The following SLC25A48 variants were observed in gnomAD, a reference collection of about 807,000 sequenced individuals.
The protein encoded by SLC25A48 is solute carrier family 25 member 48.
A neutral mutation model predicts 32.2 loss-of-function variants in SLC25A48; 29 were observed. The observed-to-expected ratio is 0.90, with a 90% confidence interval of 0.67 to 1.23. The LOEUF (loss-of-function observed/expected upper bound fraction) is 1.23. SLC25A48 is among the 50% of genes most tolerant of loss of function. The pLI is 0.00. For missense variants in SLC25A48, 399 were observed against 422.7 expected, an observed-to-expected ratio of 0.94 and a Z score of 0.49; for synonymous variants, 164 against 172.3, an observed-to-expected ratio of 0.95 and a Z score of 0.38.
At chr5:135,757,447 GAT>G (rs1159136599) in intron 3 of SLC25A48, among the ~76,000 whole-genome samples, 1 of 148,324 alleles carries the variant, frequency 6.7e-6, no homozygotes, top group African/African-American at 2.5e-5. Context: ...ATATATTTAT[GAT>G]GTCTAGTGTT....
chr5:135,831,514 A>C (rs11950083), upstream of SLC25A48, among the ~76,000 whole-genome samples: 30,016 of 152,220 alleles, frequency 0.2, 3,116 homozygotes, highest in Middle Eastern at 0.25. Flanking sequence ...TCTAGAAGAT[A>C]CCATGTGGCA....
intron 3 of SLC25A48, among the ~76,000 whole-genome samples, chr5:135,700,398 G>C (rs1237794221): frequency 7.5e-5 from 10 of 132,708 alleles, no homozygotes; most frequent in Non-Finnish European, 1.6e-5. Context: ...AAAAAAGAAA[G>C]AAAGAAAAGA....
At chr5:135,802,831 C>G (rs138655926) in intron 3 of SLC25A48, among the ~76,000 whole-genome samples, 1 of 149,160 alleles carries the variant, frequency 6.7e-6, no homozygotes, top group Non-Finnish European at 1.5e-5. Flanking sequence ...AAATATTACT[C>G]CTAGTATCAC....
chr5:135,807,898 G>T (rs1237369013), intron 3 of SLC25A48, among the ~76,000 whole-genome samples: 2 of 150,012 alleles, frequency 1.3e-5, no homozygotes, highest in African/African-American at 4.9e-5. Flanking sequence ...TGTTAACCCT[G>T]TGTGTTAACA....
intron 3 of SLC25A48, among the ~76,000 whole-genome samples, chr5:135,653,137 C>A (rs1303166406): frequency 2.0e-5 from 3 of 152,204 alleles, no homozygotes; most frequent in African/African-American, 7.2e-5. Flanking sequence ...CTTGGACTTT[C>A]CAGCCTCTAG....
chr5:135,870,429 T>C (rs1167530332), intron 4 of SLC25A48, among the ~76,000 whole-genome samples: 2 of 152,072 alleles, frequency 1.3e-5, no homozygotes, highest in African/African-American at 2.4e-5. Context: ...GAGTGGGAGA[T>C]GGGTAGCAAA....
chr5:135,871,060 GACACACACACAC>G (rs10569008), intron 4 of SLC25A48, among the ~76,000 whole-genome samples: 5,034 of 137,654 alleles, frequency 0.037, 120 homozygotes, highest in South Asian at 0.069. Flanking sequence ...TGTGTACACA[GACACACACACAC>G]ACACACACAC....
At chr5:135,674,905 A>G (rs1462138706) in intron 3 of SLC25A48, among the ~76,000 whole-genome samples, 3 of 74,732 alleles carry the variant, frequency 4.0e-5, no homozygotes, top group African/African-American at 1.2e-4. Flanking sequence ...TTCTATTTTT[A>G]GTGGGGTTTT....
chr5:135,731,478 T>C (rs1755220600), intron 3 of SLC25A48, among the ~76,000 whole-genome samples: 1 of 152,130 alleles, frequency 6.6e-6, no homozygotes, highest in South Asian at 2.1e-4. Context: ...GGAGAGATAA[T>C]GGGCAATGTT....
upstream of SLC25A48, chr5:135,579,183 C>T (rs1751175157): frequency 9.7e-6 from 3 of 308,478 alleles, no homozygotes; most frequent in South Asian, 6.0e-5. Context: ...CACCCGGAGC[C>T]ACGCGCGCAC....
At chr5:135,858,962 AG>A (rs760735864) in intron 4 of SLC25A48, among the ~76,000 whole-genome samples, 9 of 152,156 alleles carry the variant, frequency 5.9e-5, no homozygotes, top group Non-Finnish European at 1.3e-4. Context: ...CTACTGGAGA[AG>A]GGAGGGGAGG....
chr5:135,747,187 C>T (rs1451586624), intron 3 of SLC25A48, among the ~76,000 whole-genome samples: 1 of 151,916 alleles, frequency 6.6e-6, no homozygotes, highest in Non-Finnish European at 1.5e-5. Flanking sequence ...ATCTTCTTCC[C>T]TATCAGCCTT....
chr5:135,882,137 G>T (rs1476094821), intron 7 of SLC25A48, among the ~76,000 whole-genome samples: 1 of 152,240 alleles, frequency 6.6e-6, no homozygotes, highest in African/African-American at 2.4e-5. Context: ...CTTGCAAGGG[G>T]CATAGATGTC....
chr5:135,653,778 C>T (rs1401577519), intron 3 of SLC25A48: 1 of 455,888 alleles, frequency 2.2e-6, no homozygotes, highest in African/African-American at 2.0e-5. Flanking sequence ...TAGGCCATGT[C>T]CATGATGGGT....
intron 3 of SLC25A48, among the ~76,000 whole-genome samples, chr5:135,700,240 C>T (rs1383936356): frequency 1.1e-4 from 16 of 151,794 alleles, no homozygotes; most frequent in South Asian, 4.2e-4. Flanking sequence ...GGTCTGGTGG[C>T]GTGTGCCTGT....
chr5:135,868,370 A>G (rs536411695), intron 4 of SLC25A48, among the ~76,000 whole-genome samples: 3 of 152,318 alleles, frequency 2.0e-5, no homozygotes, highest in South Asian at 2.1e-4. Context: ...AAGAAAGGCT[A>G]TGGAAATGTT....
chr5:135,787,531 T>G (rs1483983746), intron 3 of SLC25A48, among the ~76,000 whole-genome samples: 1 of 152,056 alleles, frequency 6.6e-6, no homozygotes, highest in African/African-American at 2.4e-5. Flanking sequence ...TTTGTTATAT[T>G]CTTGGGTGAT....
chr5:135,873,234 C>T (rs76452314), intron 5 of SLC25A48, among the ~76,000 whole-genome samples: 15 of 152,110 alleles, frequency 9.9e-5, no homozygotes, highest in Non-Finnish European at 1.5e-4. Context: ...AGAGCTACTG[C>T]GCAGCAATTA....
intron 4 of SLC25A48, among the ~76,000 whole-genome samples, chr5:135,857,569 A>G (rs1324988285): frequency 6.6e-6 from 1 of 152,246 alleles, no homozygotes; most frequent in East Asian, 1.9e-4. Flanking sequence ...GGTGCCAGGC[A>G]CAGGGCTATG....
Sources: gnomAD v4.1 joint callset for allele counts (sites outside exome capture counted in the v4.1 genomes callset) on GRCh38, gnomAD v4.1.1 for gene constraint, MANE v1.5 for transcripts, NCBI Gene and HGNC (gene_info 2026-07-23, HGNC 2026-07-21) for gene names.